The following MACROD2 variants were observed in gnomAD, a reference collection of about 807,000 sequenced individuals.
The protein encoded by MACROD2 is ADP-ribose glycohydrolase MACROD2.
Under a neutral mutation model 70.4 loss-of-function variants are expected in MACROD2, and 36 were observed. The ratio of observed to expected loss-of-function variants is 0.51; its 90% CI spans 0.39 to 0.68. MACROD2 has a LOEUF of 0.68. Among genes scored for constraint, MACROD2 ranks in the 30% least tolerant of loss-of-function variants. MACROD2 has a pLI of 0.00. For synonymous variants in MACROD2, 172 were observed against 178.8 expected (o/e 0.96, Z 0.30); for missense variants, 496 against 538.4 (o/e 0.92, Z 0.78).
intron 8 of MACROD2, among the ~76,000 whole-genome samples, chr20:15,553,231 A>G (rs1178342032): frequency 6.6e-6 from 1 of 152,170 alleles, no homozygotes; most frequent in Non-Finnish European, 1.5e-5. Flanking sequence ...CAAAATAAAC[A>G]TAACCCATCC....
chr20:15,206,238 A>G (rs1432078034), intron 5 of MACROD2, among the ~76,000 whole-genome samples: 1 of 152,212 alleles, frequency 6.6e-6, no homozygotes, highest in African/African-American at 2.4e-5. Flanking sequence ...GCAAATATGG[A>G]TTCTAAATTT....
At chr20:15,967,658 T>G in intron 13 of MACROD2, 28 bp downstream of exon 13, 1 of 1,494,586 alleles carries the variant, frequency 6.7e-7, no homozygotes, top group Non-Finnish European at 9.0e-7. Flanking sequence ...TTATTAGATT[T>G]TCTTTTCTTC....
rs865950974 is a variant in MACROD2, at chr20:14,094,724, G to A, written c.271+8996G>A. 1.8e-3 allele frequency among the ~76,000 whole-genome samples: 270 copies of A among 152,210 alleles called. 2 individuals are homozygous for A. Among genetic ancestry groups the A allele is most frequent in the African/African-American group, 6.4e-3 (264 of 41,542 alleles). ...CAAACTCACCTACTCTCCAGATGCA[G>A]ACAAAATTATCTTTCTCACATTACT... On this transcript the variant is annotated intron_variant, in intron 3 of 17. Coordinates refer to ENST00000684519, the MANE Select transcript of MACROD2 (RefSeq NM_001351661.2).
At chr20:14,054,907 T>G (rs1020762754) in intron 2 of MACROD2, among the ~76,000 whole-genome samples, 1 of 152,210 alleles carries the variant, frequency 6.6e-6, no homozygotes, top group Admixed American at 6.5e-5. Flanking sequence ...TTTCTCAAAG[T>G]TCAGGTTCCT....
chr20:15,683,663 C>G (rs1016037603), intron 8 of MACROD2, among the ~76,000 whole-genome samples: 3 of 152,118 alleles, frequency 2.0e-5, no homozygotes, highest in African/African-American at 7.2e-5. Context: ...ACTGCAACCT[C>G]CACCTCCTGG....
At chr20:15,383,116 G>A (rs910261093) in intron 6 of MACROD2, among the ~76,000 whole-genome samples, 1 of 152,170 alleles carries the variant, frequency 6.6e-6, no homozygotes, top group African/African-American at 2.4e-5. Context: ...TGAAGAAAAA[G>A]CTTCTCATTC....
chr20:14,241,728 G>A (rs1011991640), intron 3 of MACROD2, among the ~76,000 whole-genome samples: 5 of 152,106 alleles, frequency 3.3e-5, no homozygotes, highest in African/African-American at 1.2e-4. Context: ...ACTGGCTAGT[G>A]AGTGGGAATA....
At chr20:14,745,390 T>C (rs1045404394) in intron 5 of MACROD2, among the ~76,000 whole-genome samples, 2 of 152,148 alleles carry the variant, frequency 1.3e-5, no homozygotes, top group Non-Finnish European at 1.5e-5. Flanking sequence ...ACCTAACATG[T>C]TTTAATGCTG....
chr20:14,296,483 C>T (rs6110233), intron 3 of MACROD2, among the ~76,000 whole-genome samples: 3,109 of 151,962 alleles, frequency 0.02, 166 homozygotes, highest in African/African-American at 0.072. Flanking sequence ...GAAGAAACTA[C>T]GTGTATACAT....
intron 8 of MACROD2, among the ~76,000 whole-genome samples, chr20:15,524,071 G>A (rs2047687583): frequency 6.6e-6 from 1 of 152,128 alleles, no homozygotes; most frequent in East Asian, 1.9e-4. Context: ...GAAGTCCTTT[G>A]TCTGTGTGCA....
At chr20:14,809,200 C>G (rs181084544) in intron 5 of MACROD2, among the ~76,000 whole-genome samples, 4 of 152,182 alleles carry the variant, frequency 2.6e-5, no homozygotes, top group African/African-American at 9.6e-5. Flanking sequence ...CACTCCTCAG[C>G]AAAGGCAAAA....
At chr20:14,867,270 C>A (rs572514201) in intron 5 of MACROD2, among the ~76,000 whole-genome samples, 1 of 152,102 alleles carries the variant, frequency 6.6e-6, no homozygotes, top group African/African-American at 2.4e-5. Flanking sequence ...TATTTGGGTG[C>A]GATTCATATG....
intron 10 of MACROD2, among the ~76,000 whole-genome samples, chr20:15,896,486 A>T (rs1429024895): frequency 6.6e-6 from 1 of 152,138 alleles, no homozygotes; most frequent in Non-Finnish European, 1.5e-5. Context: ...TACAGACTGC[A>T]AATGCTTCTT....
chr20:14,800,664 C>A (rs1473222148), intron 5 of MACROD2, among the ~76,000 whole-genome samples: 2 of 152,050 alleles, frequency 1.3e-5, no homozygotes, highest in Non-Finnish European at 2.9e-5. Flanking sequence ...TAAGTCCTTT[C>A]AGGTTATAAT....
At chr20:14,508,406 G>A (rs1204529934) in intron 4 of MACROD2, among the ~76,000 whole-genome samples, 5 of 152,148 alleles carry the variant, frequency 3.3e-5, no homozygotes, top group African/African-American at 1.2e-4. Flanking sequence ...AGCTAACAGA[G>A]CAGAGACCTC....
At chr20:14,533,939 A>T (rs113693891) in intron 4 of MACROD2, among the ~76,000 whole-genome samples, 23 of 152,338 alleles carry the variant, frequency 1.5e-4, no homozygotes, top group African/African-American at 4.8e-4. Context: ...AGCAATAGCA[A>T]CTATGTTTAA....
chr20:14,945,770 GTGAGAAAATAAAA>G (rs1285829639), intron 5 of MACROD2, among the ~76,000 whole-genome samples: 3 of 152,096 alleles, frequency 2.0e-5, no homozygotes, highest in Admixed American at 6.5e-5. Flanking sequence ...TTAAAGGAGG[GTGAGAAAATAAAA>G]TGAGAAAATA....
intron 8 of MACROD2, among the ~76,000 whole-genome samples, chr20:15,704,166 T>G (rs1278077188): frequency 6.6e-6 from 1 of 152,114 alleles, no homozygotes; most frequent in Non-Finnish European, 1.5e-5. Flanking sequence ...ATTTATTTAT[T>G]TAATTTCCTA....
At chr20:15,662,782 T>C (rs193182888) in intron 8 of MACROD2, among the ~76,000 whole-genome samples, 3 of 152,064 alleles carry the variant, frequency 2.0e-5, no homozygotes, top group African/African-American at 7.2e-5. Context: ...TTTGAATTAG[T>C]GGCCAATATT....
Sources: allele counts gnomAD v4.1 joint callset (sites outside exome capture counted in the v4.1 genomes callset), GRCh38; gene constraint gnomAD v4.1.1; transcripts MANE v1.5; gene names NCBI Gene and HGNC (gene_info 2026-07-23, HGNC 2026-07-21).